The following NRG3 variants were observed in gnomAD, a reference collection of about 807,000 sequenced individuals.
NRG3 encodes neuregulin 3.
A neutral mutation model predicts 66.9 loss-of-function variants in NRG3; 31 were observed. The ratio of observed to expected loss-of-function variants is 0.46; its 90% confidence interval spans 0.35 to 0.63. The LOEUF is 0.63. NRG3 is among the 20% of genes least tolerant of loss of function. NRG3 has a pLI of 0.00. For missense variants in NRG3, 910 were observed against 878.9 expected (o/e 1.04, Z -0.45); for synonymous variants, 393 against 359.4 (o/e 1.09, Z -1.06).
intron 1 of NRG3, among the ~76,000 whole-genome samples, chr10:81,968,293 C>T (rs961048748): frequency 7.2e-5 from 11 of 152,300 alleles, no homozygotes; most frequent in African/African-American, 2.6e-4. Flanking sequence ...ACTCTATTCT[C>T]CCCAATAATT....
At chr10:81,918,109 T>G (rs1845882238) in intron 1 of NRG3, among the ~76,000 whole-genome samples, 2 of 152,234 alleles carry the variant, frequency 1.3e-5, no homozygotes, top group African/African-American at 4.8e-5. Context: ...TGAAATGTGT[T>G]TTGGTCACCA....
At chr10:82,062,478 C>T (rs1029428077) in intron 1 of NRG3, among the ~76,000 whole-genome samples, 34 of 151,668 alleles carry the variant, frequency 2.2e-4, no homozygotes, top group South Asian at 8.3e-4. Flanking sequence ...TGGTGGTGTG[C>T]GCCTGTAGTC....
intron 1 of NRG3, among the ~76,000 whole-genome samples, chr10:82,093,024 G>A (rs2066122781): frequency 6.6e-6 from 1 of 152,168 alleles, no homozygotes; most frequent in South Asian, 2.1e-4. Context: ...AGGGTCACCT[G>A]TTAGCTTGCA....
chr10:82,847,248 A>G (rs2063347205), intron 3 of NRG3, among the ~76,000 whole-genome samples: 1 of 152,222 alleles, frequency 6.6e-6, no homozygotes, highest in South Asian at 2.1e-4. Flanking sequence ...CTCCAGTCTT[A>G]TAAAACAGCA....
At chr10:82,168,653 G>A (rs532988900) in intron 1 of NRG3, among the ~76,000 whole-genome samples, 1 of 152,194 alleles carries the variant, frequency 6.6e-6, no homozygotes, top group South Asian at 2.1e-4. Context: ...CCTTTGCAGG[G>A]AATTACCCTC....
chr10:82,385,960 C>CA (rs1034880131), intron 2 of NRG3, among the ~76,000 whole-genome samples: 22 of 151,200 alleles, frequency 1.5e-4, no homozygotes, highest in African/African-American at 5.1e-4. Context: ...CTGCTAAATA[C>CA]AAAAAAATAA....
intron 1 of NRG3, among the ~76,000 whole-genome samples, chr10:82,007,544 A>G (rs1258303210): frequency 6.6e-6 from 1 of 152,146 alleles, no homozygotes; most frequent in East Asian, 1.9e-4. Context: ...TGCAGATGTG[A>G]AGGAATATTA....
chr10:82,029,030 A>G (rs181861171), intron 1 of NRG3, among the ~76,000 whole-genome samples: 1 of 152,068 alleles, frequency 6.6e-6, no homozygotes, highest in Non-Finnish European at 1.5e-5. Flanking sequence ...CCAACATGGT[A>G]AAACCCCGTT....
At chr10:82,480,364 C>A (rs569726100) in intron 2 of NRG3, among the ~76,000 whole-genome samples, 2 of 152,298 alleles carry the variant, frequency 1.3e-5, no homozygotes, top group African/African-American at 4.8e-5. Flanking sequence ...ATAGTAATTA[C>A]ATCACCAAAA....
intron 4 of NRG3, among the ~76,000 whole-genome samples, chr10:82,866,517 T>C (rs1359041850): frequency 6.6e-6 from 1 of 152,178 alleles, no homozygotes; most frequent in African/African-American, 2.4e-5. Context: ...TCATTATTGC[T>C]CCATTCTCTG....
intron 1 of NRG3, among the ~76,000 whole-genome samples, chr10:82,268,471 C>G (rs2078421556): frequency 6.6e-6 from 1 of 152,128 alleles, no homozygotes; most frequent in Non-Finnish European, 1.5e-5. Context: ...TCACATCCCA[C>G]CATTCTGAAA....
intron 2 of NRG3, among the ~76,000 whole-genome samples, chr10:82,727,721 G>T (rs2057680367): frequency 6.6e-6 from 1 of 152,170 alleles, no homozygotes. Context: ...TGAGAAGAGA[G>T]CCACTGTCCT....
intron 3 of NRG3, among the ~76,000 whole-genome samples, chr10:82,770,006 G>A (rs1462667440): frequency 6.6e-6 from 1 of 151,962 alleles, no homozygotes; most frequent in Non-Finnish European, 1.5e-5. Context: ...TGTTATTAAA[G>A]TAGAAATATT....
At chr10:82,505,687 T>C (rs183437515) in intron 2 of NRG3, among the ~76,000 whole-genome samples, 1 of 152,342 alleles carries the variant, frequency 6.6e-6, no homozygotes, top group East Asian at 1.9e-4. Flanking sequence ...CATGGGATAC[T>C]GCAATGCAAA....
chr10:82,121,726 C>T (rs2068104297), intron 1 of NRG3, among the ~76,000 whole-genome samples: 1 of 152,094 alleles, frequency 6.6e-6, no homozygotes, highest in Non-Finnish European at 1.5e-5. Context: ...TCACTGCAGC[C>T]TCAAACTTCT....
chr10:82,587,259 A>T (rs1267324860), intron 2 of NRG3, among the ~76,000 whole-genome samples: 4 of 151,856 alleles, frequency 2.6e-5, no homozygotes, highest in Non-Finnish European at 5.9e-5. Flanking sequence ...AAACAACACC[A>T]CTCTCGTTAA....
At chr10:82,769,965 A>G (rs964804799) in intron 3 of NRG3, among the ~76,000 whole-genome samples, 2 of 152,106 alleles carry the variant, frequency 1.3e-5, no homozygotes, top group South Asian at 2.1e-4. Flanking sequence ...GTAAGGATTG[A>G]ATCCTGAGTC....
intron 1 of NRG3, among the ~76,000 whole-genome samples, chr10:81,989,945 A>G (rs1198579975): frequency 3.3e-5 from 5 of 152,168 alleles, no homozygotes; most frequent in Non-Finnish European, 7.4e-5. Context: ...TGAAGTATAA[A>G]TTAGGAGAAG....
At chr10:82,842,916 C>A (rs1484542798) in intron 3 of NRG3, among the ~76,000 whole-genome samples, 1 of 152,064 alleles carries the variant, frequency 6.6e-6, no homozygotes, top group African/African-American at 2.4e-5. Context: ...ACATGCACAC[C>A]TATGATAAAG....
Sources: gnomAD v4.1 joint callset for allele counts (sites outside exome capture counted in the v4.1 genomes callset) on GRCh38, gnomAD v4.1.1 for gene constraint, MANE v1.5 for transcripts, NCBI Gene and HGNC (gene_info 2026-07-23, HGNC 2026-07-21) for gene names.